The following MAP1B variants were observed in gnomAD, a reference collection of about 807,000 sequenced individuals.
MAP1B encodes the protein microtubule associated protein 1B.
A neutral mutation model predicts 176.1 loss-of-function variants in MAP1B; 12 were observed. The observed-to-expected ratio is 0.07, with a 90% CI of 0.04 to 0.11. The LOEUF is 0.11. MAP1B is among the 10% of genes least tolerant of loss of function. MAP1B has a pLI of 1.00. For missense variants in MAP1B, 2,523 were observed against 2,990.5 expected, an observed-to-expected ratio of 0.84 and a Z score of 3.65; for synonymous variants, 1,044 against 1,135.0, an observed-to-expected ratio of 0.92 and a Z score of 1.61.
intron 2 of MAP1B, among the ~76,000 whole-genome samples, chr5:72,148,219 C>T (rs1286228116): frequency 6.6e-6 from 1 of 152,194 alleles, no homozygotes; most frequent in Non-Finnish European, 1.5e-5. Flanking sequence ...CAAGCCACTT[C>T]TGAAACTGTC....
At chr5:72,152,882 C>T (rs1031893165) in intron 2 of MAP1B, among the ~76,000 whole-genome samples, 2 of 152,150 alleles carry the variant, frequency 1.3e-5, no homozygotes, top group Non-Finnish European at 2.9e-5. Flanking sequence ...CCAGGCTGCT[C>T]TCATGCTCGC....
At chr5:72,128,876 C>T (rs1745675219) in intron 2 of MAP1B, among the ~76,000 whole-genome samples, 1 of 152,184 alleles carries the variant, frequency 6.6e-6, no homozygotes, top group African/African-American at 2.4e-5. Flanking sequence ...TGGTCTCAAT[C>T]TCCTGGCCTC....
intron 2 of MAP1B, among the ~76,000 whole-genome samples, chr5:72,148,155 C>T (rs1424986123): frequency 6.6e-6 from 1 of 152,130 alleles, no homozygotes; most frequent in Non-Finnish European, 1.5e-5. Context: ...TTATAAAATA[C>T]TTTTAAAAAC....
At chr5:72,200,842 T>A (rs1283302151) in intron 5 of MAP1B, among the ~76,000 whole-genome samples, 1 of 152,190 alleles carries the variant, frequency 6.6e-6, no homozygotes, top group Non-Finnish European at 1.5e-5. Flanking sequence ...AAAAAAATTT[T>A]TTTTAAATTA....
chr5:72,198,395 T>C lies in MAP1B; in HGVS notation c.5040T>C (p.Thr1680=). 6.2e-7 allele frequency: 1 copy of C among 1,614,132 alleles called. No homozygotes were observed. The highest frequency in any genetic ancestry group is 8.5e-7 in the Non-Finnish European group (1 of 1,180,020). Residue 1680 remains threonine (T), a synonymous_variant, in exon 5 of 7, where the codon ACT becomes ACC. Coordinates refer to ENST00000296755, the MANE Select transcript of MAP1B (RefSeq NM_005909.5). ...TGGGTGCAGGCGTGCTTCACATCAC[T>C]GAAAATGGGCCAACTGAAGTGGACT... is the stretch of plus-strand genomic sequence containing the variant. ...PTVGAGVLHI[T]ENGPTEVDYS... is the part of the protein sequence containing the mutation.
chr5:72,158,178 T>C (rs1441523424), intron 2 of MAP1B, among the ~76,000 whole-genome samples: 1 of 151,470 alleles, frequency 6.6e-6, no homozygotes, highest in Non-Finnish European at 1.5e-5. Flanking sequence ...CCGGCTAATT[T>C]TTTGTATTTT....
In MAP1B at chr5:72,182,438, C is replaced by T. The variant is rs78344598; in HGVS notation, c.287-1305C>T. 2.7e-3 allele frequency among the ~76,000 whole-genome samples: 416 copies of T among 152,224 alleles called. 12 individuals are homozygous for T. In the East Asian group the frequency reaches 0.073, roughly 27 times the overall value. ...TCATTTTTATGTTTGAATAATCTTC[C>T]ATTGTATTGATATACCACATTTTAC... On this transcript the variant is annotated intron_variant, in intron 2 of 6. Transcript: ENST00000296755.
chr5:72,132,428 T>G (rs1745750420), intron 2 of MAP1B, among the ~76,000 whole-genome samples: 1 of 152,220 alleles, frequency 6.6e-6, no homozygotes. Flanking sequence ...GTATAATTCT[T>G]AAAATGGAAC....
chr5:72,170,476 A>C (rs1313329564), intron 2 of MAP1B, among the ~76,000 whole-genome samples: 1 of 151,514 alleles, frequency 6.6e-6, no homozygotes, highest in Non-Finnish European at 1.5e-5. Context: ...CAGGGTTTGG[A>C]TTTGGTTGAA....
rs563159617 is a variant in MAP1B at position 72,163,021 on chromosome 5, A to G, written c.287-20722A>G. Among the ~76,000 whole-genome samples the G allele has an allele frequency of 9.2e-5, 14 of 152,266 alleles. No homozygotes were observed. In the South Asian group the frequency reaches 2.7e-3, roughly 29 times the overall value. On this transcript the variant is annotated intron_variant, in intron 2 of 6. Coordinates refer to ENST00000296755, the MANE Select transcript of MAP1B (RefSeq NM_005909.5). ...GAGGTGGGCAGATCACGAAGTCAGG[A>G]GATCGAGACCAGCCTGGCCAACATA...
chr5:72,131,588 T>C (rs989308269), intron 2 of MAP1B, among the ~76,000 whole-genome samples: 3 of 152,232 alleles, frequency 2.0e-5, no homozygotes, highest in African/African-American at 7.2e-5. Context: ...TTTATTGGCC[T>C]CTTAAAAACA....
chr5:72,159,576 G>A (rs1746292243), intron 2 of MAP1B, among the ~76,000 whole-genome samples: 1 of 152,194 alleles, frequency 6.6e-6, no homozygotes, highest in African/African-American at 2.4e-5. Flanking sequence ...CTGTTGTATT[G>A]TTGATAAACA....
chr5:72,136,279 G>T (rs1745835980), intron 2 of MAP1B, among the ~76,000 whole-genome samples: 1 of 152,134 alleles, frequency 6.6e-6, no homozygotes, highest in African/African-American at 2.4e-5. Context: ...ATACAGGACA[G>T]CTCTCTTACC....
At chr5:72,115,561 G>C in intron 1 of MAP1B, 137 bp from the exon 2 acceptor site, 1 of 638,770 alleles carries the variant, frequency 1.6e-6, no homozygotes, top group South Asian at 1.8e-5. Flanking sequence ...GGCATCCACT[G>C]CTAAGCCACC....
At chr5:72,109,248 G>A (rs72779265) in intron 1 of MAP1B, among the ~76,000 whole-genome samples, 34 of 147,244 alleles carry the variant, frequency 2.3e-4, no homozygotes, top group African/African-American at 2.7e-4. Flanking sequence ...AAAAAAAAAA[G>A]AAAAAAAATG....
At position 72,193,774 on chromosome 5, in the gene MAP1B, T is replaced by A; in HGVS notation, c.511-92T>A. ...AACTGGTCCTATGTGCATCCTGTGATCCTGTAACACATAGTTATAGCTGGA... is the reference window on the plus strand; with the variant it reads ...AACTGGTCCTATGTGCATCCTGTGAACCTGTAACACATAGTTATAGCTGGA... On this transcript the variant is annotated intron_variant, in intron 4 of 6. Coordinates refer to ENST00000296755, the MANE Select transcript of MAP1B (RefSeq NM_005909.5). 3 of 1,363,166 alleles carry A rather than the reference T, an allele frequency of 2.2e-6. No homozygotes were observed. In the South Asian group the frequency reaches 4.5e-5, roughly 20 times the overall value. 84.4% of individuals were successfully genotyped at this position (1,363,166 alleles called of 1,614,324 possible). A position where few individuals can be genotyped will look rare whatever the true frequency, so the allele number is the denominator to read the frequency against.
chr5:72,121,173 T>A (rs1483875736), intron 2 of MAP1B, among the ~76,000 whole-genome samples: 1 of 152,208 alleles, frequency 6.6e-6, no homozygotes, highest in Admixed American at 6.5e-5. Context: ...TCAGGGAACG[T>A]GTGCACAGTT....
At chr5:72,144,168 C>A (rs1172524069) in intron 2 of MAP1B, among the ~76,000 whole-genome samples, 1 of 152,024 alleles carries the variant, frequency 6.6e-6, no homozygotes, top group Non-Finnish European at 1.5e-5. Context: ...ATCTAGTACA[C>A]CTTCCTTCTA....
rs1233295187 is a variant in MAP1B, at chr5:72,153,464, C to A, written c.287-30279C>A. Among the ~76,000 whole-genome samples, 4 of 151,818 alleles carry A rather than the reference C, an allele frequency of 2.6e-5. No homozygotes were observed. In the South Asian group the frequency reaches 8.4e-4, roughly 32 times the overall value. ...GGTCTCTTGCCATTTCTGTGGATAC[C>A]CATCTTCCATATAGTCTTACTCAAA... On this transcript the variant is annotated intron_variant, in intron 2 of 6. Transcript: ENST00000296755.
Sources: allele counts gnomAD v4.1 joint callset (sites outside exome capture counted in the v4.1 genomes callset), GRCh38; gene constraint gnomAD v4.1.1; transcripts MANE v1.5; gene names NCBI Gene and HGNC (gene_info 2026-07-23, HGNC 2026-07-21).